SCN9A: variants seen among roughly 807,000 people sequenced by gnomAD.
SCN9A encodes sodium voltage-gated channel alpha subunit 9.
In SCN9A, 131 loss-of-function variants were observed where a neutral mutation model predicts 187.0. The observed-to-expected ratio is 0.70, with a 90% CI of 0.61 to 0.81. The LOEUF is 0.81. SCN9A is among the 30% of genes least tolerant of loss of function. The pLI is 0.00. For missense variants in SCN9A, 2,252 were observed against 2,396.6 expected, an observed-to-expected ratio of 0.94 and a Z score of 1.26; for synonymous variants, 809 against 808.6, an observed-to-expected ratio of 1.00 and a Z score of -0.01.
chr2:166,261,198 G>T (rs1696488133), intron 17 of SCN9A, among the ~76,000 whole-genome samples: 1 of 151,844 alleles, frequency 6.6e-6, no homozygotes, highest in Non-Finnish European at 1.5e-5. Flanking sequence ...TATTGGAGAA[G>T]CATGCCTGAC....
chr2:166,235,620 T>C (rs896138213), intron 20 of SCN9A, among the ~76,000 whole-genome samples: 2 of 152,028 alleles, frequency 1.3e-5, no homozygotes, highest in African/African-American at 4.8e-5. Flanking sequence ...GCCAACGTTT[T>C]CAGTTTTGAG....
At chr2:166,301,508 A>G (rs962186141) in intron 7 of SCN9A, 2 of 150,844 alleles carry the variant, frequency 1.3e-5, no homozygotes, top group South Asian at 4.1e-4. Context: ...TATTATTATT[A>G]TCTTATTTCA....
chr2:166,364,669 T>C (rs1700372155), intron 1 of SCN9A, among the ~76,000 whole-genome samples: 1 of 152,028 alleles, frequency 6.6e-6, no homozygotes, highest in South Asian at 2.1e-4. Context: ...TACTGGGTGA[T>C]AGGGGAAGAG....
chr2:166,286,488 T>A lies in SCN9A; in HGVS notation c.1450A>T (p.Asn484Tyr). 1 of 1,613,816 alleles carries A rather than the reference T, an allele frequency of 6.2e-7. No homozygotes were observed. Among genetic ancestry groups the A allele is most frequent in the Non-Finnish European group, 8.5e-7 (1 of 1,179,836 alleles). The change falls in exon 11 of 27, where the codon AAT (asparagine) becomes TAT (tyrosine). Residue 484 changes from asparagine (N) to tyrosine (Y), a missense_variant. Transcript: ENST00000642356. ...TCTCCACTGGAGAGCTTCTTTTGATTCTTTTTCTTTCTTCTGTTTCTTCTT... is the reference window on the plus strand; with the variant it reads ...TCTCCACTGGAGAGCTTCTTTTGATACTTTTTCTTTCTTCTGTTTCTTCTT... ...KERRNRRKKK[N>Y]QKKLSSGEEK...
chr2:166,316,576 TC>T (rs1315444154), intron 1 of SCN9A, among the ~76,000 whole-genome samples: 1 of 152,114 alleles, frequency 6.6e-6, no homozygotes, highest in African/African-American at 2.4e-5. Context: ...GCGCCTATAG[TC>T]CCAGCTGCTC....
intron 24 of SCN9A, among the ~76,000 whole-genome samples, chr2:166,207,698 C>T (rs922140602): frequency 6.6e-5 from 10 of 152,166 alleles, no homozygotes; most frequent in African/African-American, 2.2e-4. Context: ...GCCTTGGCCT[C>T]CCAAAGTGCT....
intron 24 of SCN9A, among the ~76,000 whole-genome samples, chr2:166,222,959 A>AAAAAAAAAAAAAAAAAAAC (rs1558960927): frequency 3.4e-5 from 5 of 146,910 alleles, no homozygotes; most frequent in Admixed American, 6.8e-5. Context: ...AAAAAAAAAA[A>AAAAAAAAAAAAAAAAAAAC]AAAAAAAAAA....
intron 17 of SCN9A, among the ~76,000 whole-genome samples, chr2:166,255,782 G>C (rs1696245093): frequency 6.6e-6 from 1 of 151,468 alleles, no homozygotes; most frequent in Non-Finnish European, 1.5e-5. Context: ...AGAAAGTTGA[G>C]AGAAGCAAAT....
At chr2:166,252,474 A>T (rs893878974) in intron 17 of SCN9A, among the ~76,000 whole-genome samples, 1 of 151,950 alleles carries the variant, frequency 6.6e-6, no homozygotes, top group African/African-American at 2.4e-5. Flanking sequence ...CAAGACCACA[A>T]AATCAAATAC....
chr2:166,227,582 G>T, intron 23 of SCN9A, 88 bp downstream of exon 23: 1 of 789,218 alleles, frequency 1.3e-6, no homozygotes, highest in Non-Finnish European at 2.2e-6. Flanking sequence ...AGTCCCAAGG[G>T]CTTCATGAAG....
At chr2:166,263,100 C>G (rs187659378) in intron 17 of SCN9A, among the ~76,000 whole-genome samples, 1 of 151,922 alleles carries the variant, frequency 6.6e-6, no homozygotes, top group African/African-American at 2.4e-5. Context: ...AAAGGGAGAG[C>G]CTGCATCCAA....
Position 166,219,620 on chromosome 2 carries a change from A to G in SCN9A, c.4398+6947T>C, listed in dbSNP as rs529121438. 2.9e-4 allele frequency among the ~76,000 whole-genome samples: 44 copies of G among 152,246 alleles called. 1 individual carries two copies. In the South Asian group the frequency reaches 9.1e-3, roughly 32 times the overall value. On this transcript the variant is annotated intron_variant, in intron 24 of 26. Transcript: ENST00000642356. ...GGGTCAGGAAAAATAACCAATGCAT[A>G]CTGGGATTAATACCTCAGGGATGAA...
At chr2:166,305,313 T>C (rs1574904712) in intron 5 of SCN9A, among the ~76,000 whole-genome samples, 2 of 152,112 alleles carry the variant, frequency 1.3e-5, no homozygotes, top group Non-Finnish European at 2.9e-5. Context: ...ATAATGTGTA[T>C]ACAATGCATT....
At chr2:166,347,944 T>C (rs1375622185) in intron 1 of SCN9A, among the ~76,000 whole-genome samples, 1 of 152,042 alleles carries the variant, frequency 6.6e-6, no homozygotes, top group Non-Finnish European at 1.5e-5. Flanking sequence ...ATAAAATACA[T>C]GGTGTCTAGT....
rs188168217 is a variant in SCN9A, at chr2:166,233,034, A to C, written c.3924+306T>G. 7.5e-4 allele frequency among the ~76,000 whole-genome samples: 111 copies of C among 147,274 alleles called. No homozygotes were observed. The East Asian group carries it at 0.021, about 29-fold the overall frequency. On this transcript the variant is annotated intron_variant, in intron 21 of 26. Transcript: ENST00000642356. ...ATTAGTATATATAATATGCATATAT[A>C]CTATTAGTATATGTAATATGCATAT... is the stretch of plus-strand genomic sequence containing the variant.
intron 1 of SCN9A, among the ~76,000 whole-genome samples, chr2:166,329,495 G>GT (rs1263548777): frequency 2.0e-5 from 3 of 151,506 alleles, no homozygotes; most frequent in African/African-American, 7.2e-5. Flanking sequence ...TAAAAAAAAG[G>GT]TTACCATAGT....
chr2:166,367,591 C>T (rs1700449537), intron 1 of SCN9A, among the ~76,000 whole-genome samples: 1 of 152,030 alleles, frequency 6.6e-6, no homozygotes, highest in Non-Finnish European at 1.5e-5. Flanking sequence ...TACATATTTC[C>T]CTTTTAATTA....
intron 1 of SCN9A, among the ~76,000 whole-genome samples, chr2:166,374,141 T>C (rs1173559866): frequency 2.0e-5 from 3 of 152,186 alleles, no homozygotes; most frequent in Non-Finnish European, 4.4e-5. Flanking sequence ...GAGCCAGACC[T>C]GACTCATCTT....
chr2:166,344,611 A>G (rs1699859270), intron 1 of SCN9A, among the ~76,000 whole-genome samples: 1 of 152,200 alleles, frequency 6.6e-6, no homozygotes, highest in African/African-American at 2.4e-5. Context: ...ATCTTGTGTA[A>G]AAGGCACAAT....
Sources: allele counts gnomAD v4.1 joint callset (sites outside exome capture counted in the v4.1 genomes callset), GRCh38; gene constraint gnomAD v4.1.1; transcripts MANE v1.5; gene names NCBI Gene and HGNC (gene_info 2026-07-23, HGNC 2026-07-21).